HOXD3: variants seen among roughly 807,000 people sequenced by gnomAD.
HOXD3 encodes homeobox protein Hox-D3.
HOXD3 carries 13 observed loss-of-function variants against 32.8 expected under a neutral mutation model. That is an observed-to-expected ratio of 0.40 (90% CI 0.26 to 0.63). The LOEUF (loss-of-function observed/expected upper bound fraction) is 0.63. HOXD3 is among the 20% of genes least tolerant of loss of function. The probability of loss-of-function intolerance (pLI) is 0.44; values close to 1 mark genes in which losing one functional copy is unlikely to be tolerated. For synonymous variants in HOXD3, 241 were observed against 246.8 expected, an observed-to-expected ratio of 0.98 and a Z score of 0.22; for missense variants, 504 against 577.1, an observed-to-expected ratio of 0.87 and a Z score of 1.30.
At chr2:176,162,754 G>T (rs1690848282) in intron 1 of HOXD3, among the ~76,000 whole-genome samples, 1 of 152,148 alleles carries the variant, frequency 6.6e-6, no homozygotes, top group South Asian at 2.1e-4. Flanking sequence ...TCCGCGGCTG[G>T]AAAAAGAAAA....
rs1235332106 is a variant in HOXD3, at chr2:176,157,443, G to T, written c.-190G>T. The stretch of plus-strand genomic sequence containing the variant: ...CCCGGCCCCCGGCGGGCGCGGGAGC[G>T]CGGCCGCAGGTAAATATTTTGGCAA... On this transcript the variant is annotated 5_prime_UTR_variant, in exon 1 of 4. Transcript: ENST00000683222. Among the ~76,000 whole-genome samples, 1 of 152,098 alleles carries T rather than the reference G, an allele frequency of 6.6e-6. No individual in the cohort carries two copies. Among genetic ancestry groups the T allele is most frequent in the Non-Finnish European group, 1.5e-5 (1 of 68,018 alleles).
intron 2 of HOXD3, chr2:176,165,073 G>A (rs1690921654): frequency 6.6e-6 from 1 of 152,296 alleles, no homozygotes; most frequent in Non-Finnish European, 1.5e-5. Flanking sequence ...GGGTGCAAGA[G>A]CGGGAAAAGT....
Position 176,164,165 on chromosome 2 carries a change from T to G in HOXD3, c.-88T>G, listed in dbSNP as rs1458009968. 6.6e-6 allele frequency: 1 copy of G among 152,040 alleles called. No homozygotes were observed. The highest frequency in any genetic ancestry group is 2.4e-5 in the African/African-American group (1 of 41,396). The allele number at this position is 152,040 out of a possible 1,614,324, so 9.4% of individuals were successfully genotyped here. Reference sequence around the variant, plus strand: ...TCAAGAAAACACACACATACATAATTGTGGTGAGTGGGCATCATTTAAATA... The same window carrying G: ...TCAAGAAAACACACACATACATAATGGTGGTGAGTGGGCATCATTTAAATA... On this transcript the variant is annotated 5_prime_UTR_variant, in exon 2 of 4. It adds an upstream start codon to the 5' untranslated region. Transcript: ENST00000683222.
At chr2:176,171,326 C>T (rs1276738169) in intron 3 of HOXD3, among the ~76,000 whole-genome samples, 191 bp from the exon 4 acceptor site, 1 of 152,054 alleles carries the variant, frequency 6.6e-6, no homozygotes, top group East Asian at 1.9e-4. Context: ...GATAGGTAGG[C>T]CTAGTAGGGG....
At chr2:176,157,944 G>C (rs1281644101) in intron 1 of HOXD3, among the ~76,000 whole-genome samples, 1 of 152,200 alleles carries the variant, frequency 6.6e-6, no homozygotes, top group African/African-American at 2.4e-5. Flanking sequence ...GGTGAGAAAA[G>C]GCCCTGGCCC....
chr2:176,152,604 G>T (rs1434547837), upstream of HOXD3: 3 of 1,612,982 alleles, frequency 1.9e-6, no homozygotes, highest in Admixed American at 1.7e-5. This position sits in a 1 kb window ranked among gnomAD's most constrained non-coding sequence, Gnocchi z 5.2. Context: ...GTTTTGTCTC[G>T]CAGTGAACCC....
At chr2:176,152,640 C>A (rs1456398188), upstream of HOXD3, 3 of 1,614,070 alleles carry the variant, frequency 1.9e-6, no homozygotes, top group South Asian at 1.1e-5. This position sits in a 1 kb window ranked among gnomAD's most constrained non-coding sequence, Gnocchi z 5.2. Flanking sequence ...GGAACCCAAG[C>A]GGTCCCGAAC....
chr2:176,171,813 G>C lies in HOXD3; in HGVS notation c.838G>C (p.Val280Leu), dbSNP rs748868145. ...ACCGCTCGGCGGCGCCGCTGGCCAC[G>C]TGGCCTACTCCGGCCAGCTGCCGCC... is the stretch of plus-strand genomic sequence containing the variant. ...SPPLGGAAGH[V>L]AYSGQLPPVP... The change falls in exon 4 of 4, where the codon GTG becomes CTG. Residue 280 changes from valine (V) to leucine (L), a missense_variant. Physicochemically the swap from Val to Leu is conservative, Grantham distance 32. Transcript: ENST00000683222. 7 of 1,611,728 alleles carry C rather than the reference G, an allele frequency of 4.3e-6. No individual in the cohort carries two copies. Among genetic ancestry groups the C allele is most frequent in the Non-Finnish European group, 5.9e-6 (7 of 1,178,986 alleles).
At chr2:176,153,675 T>C (rs1204950682), upstream of HOXD3, among the ~76,000 whole-genome samples, 2 of 152,162 alleles carry the variant, frequency 1.3e-5, no homozygotes, top group Non-Finnish European at 2.9e-5. Flanking sequence ...ACTTCTGAAC[T>C]CCACCCCTCC....
chr2:176,160,357 C>G (rs137902771), intron 1 of HOXD3, among the ~76,000 whole-genome samples: 1 of 152,190 alleles, frequency 6.6e-6, no homozygotes, highest in Non-Finnish European at 1.5e-5. Context: ...GGTCAGAGGT[C>G]GTTGTGGGGA....
intron 2 of HOXD3, among the ~76,000 whole-genome samples, chr2:176,168,502 G>A (rs190282675): frequency 1.3e-5 from 2 of 151,948 alleles, no homozygotes; most frequent in Non-Finnish European, 1.5e-5. Context: ...CAGAGGCGTA[G>A]GTTGCAGTAA....
chr2:176,172,477 A>C lies in HOXD3; in HGVS notation c.*203A>C. The C allele has an allele frequency of 1.7e-6, 1 of 577,728 alleles. No individual in the cohort carries two copies. Among genetic ancestry groups the C allele is most frequent in the East Asian group, 2.9e-5 (1 of 34,606 alleles). The allele number at this position is 577,728 out of a possible 1,614,324, so 35.8% of individuals were successfully genotyped here. A position where few individuals can be genotyped will look rare whatever the true frequency, so the allele number is the denominator to read the frequency against. ...GGCGTCCTTTGGGTGACTCGCCATA[A>C]ATCAGCCGCAAGGATCCTTCCCTGT... On this transcript the variant is annotated 3_prime_UTR_variant, in exon 4 of 4. Coordinates refer to ENST00000683222, the MANE Select transcript of HOXD3 (RefSeq NM_006898.5).
intron 1 of HOXD3, among the ~76,000 whole-genome samples, chr2:176,163,710 GGA>G (rs997454733): frequency 1.3e-5 from 2 of 152,108 alleles, no homozygotes; most frequent in African/African-American, 4.8e-5. Context: ...TCTGCCCCTA[GGA>G]GAGTGTTTGG....
chr2:176,171,672 C>T lies in HOXD3; in HGVS notation c.697C>T (p.Leu233Phe). 1 of 1,614,190 alleles carries T rather than the reference C, an allele frequency of 6.2e-7. No individual in the cohort carries two copies. The highest frequency in any genetic ancestry group is 8.5e-7 in the Non-Finnish European group (1 of 1,180,040). Reference sequence around the variant, plus strand: ...CGTGGAGATGGCCAACCTGCTGAATCTCACGGAACGCCAGATCAAGATCTG... The same window carrying T: ...CGTGGAGATGGCCAACCTGCTGAATTTCACGGAACGCCAGATCAAGATCTG... ...RRVEMANLLN[L>F]TERQIKIWFQ... is the part of the protein sequence containing the mutation. The change falls in exon 4 of 4, where the codon CTC becomes TTC. Residue 233 changes from leucine (L) to phenylalanine (F), a missense_variant. Transcript: ENST00000683222.
intron 1 of HOXD3, among the ~76,000 whole-genome samples, chr2:176,160,141 C>G (rs1270481921): frequency 3.9e-5 from 6 of 152,176 alleles, no homozygotes; most frequent in Admixed American, 3.9e-4. Flanking sequence ...AGCGGGTCCT[C>G]GCCCTGGGAG....
chr2:176,171,256 G>A (rs1691164745), intron 3 of HOXD3, among the ~76,000 whole-genome samples: 1 of 152,174 alleles, frequency 6.6e-6, no homozygotes, highest in Non-Finnish European at 1.5e-5. Context: ...AGGCTGCAGG[G>A]GAGAGGGTGG....
At position 176,171,552 on chromosome 2, in the gene HOXD3, G is replaced by A. The variant is rs1363218997; in HGVS notation, c.577G>A (p.Ala193Thr). Residue 193 changes from alanine to threonine, a missense_variant, in exon 4 of 4, where the codon GCA (alanine) becomes ACA (threonine). Physicochemically the swap from Ala to Thr is moderately conservative, Grantham distance 58 (BLOSUM62 0). Transcript: ENST00000683222. ...CGAGGACAAGAGCCCGCCAGGCCCA[G>A]CATCCAAGCGGGTACGCACGGCATA... ...SCEDKSPPGP[A>T]SKRVRTAYTS... The A allele has an allele frequency of 6.2e-7, 1 of 1,603,068 alleles. No individual in the cohort carries two copies. The highest frequency in any genetic ancestry group is 1.1e-5 in the South Asian group (1 of 89,088).
chr2:176,154,798 C>T (rs1023313985), upstream of HOXD3, among the ~76,000 whole-genome samples: 1 of 152,192 alleles, frequency 6.6e-6, no homozygotes, highest in Non-Finnish European at 1.5e-5. Context: ...CATGGCAATA[C>T]TTGAATGTCA....
At position 176,169,235 on chromosome 2, in the gene HOXD3, T is replaced by TA; in HGVS notation, c.122dup (p.Tyr41Ter). The change falls in exon 3 of 4, where the codon TAC becomes TAAC. Residue 41 changes from tyrosine (Y) to a stop codon, truncating the protein, a stop_gained and frameshift_variant. Coordinates refer to ENST00000683222, the MANE Select transcript of HOXD3 (RefSeq NM_006898.5). LOFTEE classifies it high-confidence loss of function. ...TGGCTACAGCAAAACTACGGACACT[T>TA]ACGGCTACAGCACCCCCCACCAGCC... is the stretch of plus-strand genomic sequence containing the variant. ...GYGYSKTTDT[Y>*]GYSTPHQPYP... is the part of the protein sequence containing the mutation. The TA allele has an allele frequency of 6.2e-7, 1 of 1,614,084 alleles. No individual in the cohort carries two copies. The highest frequency in any genetic ancestry group is 1.1e-5 in the South Asian group (1 of 91,080).
Sources: allele counts gnomAD v4.1 joint callset (sites outside exome capture counted in the v4.1 genomes callset), GRCh38; gene constraint gnomAD v4.1.1; non-coding constraint Gnocchi (gnomAD v3.1); transcripts MANE v1.5; gene names NCBI Gene and HGNC (gene_info 2026-07-23, HGNC 2026-07-21).